ECE1: variants seen among roughly 807,000 people sequenced by gnomAD.
ECE1 encodes endothelin-converting enzyme 1.
A neutral mutation model predicts 98.6 loss-of-function variants in ECE1; 35 were observed. That is an observed-to-expected ratio of 0.35 (90% CI 0.27 to 0.47). The LOEUF (loss-of-function observed/expected upper bound fraction) is 0.47. ECE1 is among the 20% of genes least tolerant of loss of function. The pLI is 1.00. For synonymous variants in ECE1, 394 were observed against 407.1 expected, an observed-to-expected ratio of 0.97 and a Z score of 0.39; for missense variants, 814 against 1,025.3, an observed-to-expected ratio of 0.79 and a Z score of 2.81.
intron 4 of ECE1, among the ~76,000 whole-genome samples, chr1:21,263,636 G>A (rs113003901): frequency 0.035 from 5,270 of 151,384 alleles, 287 homozygotes; most frequent in African/African-American, 0.12. Context: ...TTACAGGCGT[G>A]AGCCACCATG....
intron 2 of ECE1, among the ~76,000 whole-genome samples, chr1:21,288,866 T>C (rs891795222): frequency 6.6e-6 from 1 of 151,990 alleles, no homozygotes; most frequent in African/African-American, 2.4e-5. Context: ...TTTCCACATC[T>C]GTAAGTGGGG....
chr1:21,244,887 C>T, intron 10 of ECE1, 102 bp downstream of exon 10: 1 of 1,132,644 alleles, frequency 8.8e-7, no homozygotes, highest in Non-Finnish European at 1.3e-6. Flanking sequence ...GAAGCTTCTA[C>T]CCACCCCCAG....
rs1184817040 is a variant in ECE1, at chr1:21,290,338, C to T, written c.51+26G>A. ...AGGGGTCCCGCCCGCCTCCCGCCCC[C>T]GCCCTCCAGGCCGCGCCCGCCTCAC... On this transcript the variant is annotated intron_variant, in intron 1 of 18. Transcript: ENST00000374893. The surrounding 1 kb of genome is among the most constrained non-coding windows in gnomAD (Gnocchi z 7.3). 1.4e-5 allele frequency: 17 copies of T among 1,228,504 alleles called. No individual in the cohort carries two copies. In the East Asian group the frequency reaches 5.3e-4, roughly 39 times the overall value. 76.1% of individuals were successfully genotyped at this position (1,228,504 alleles called of 1,614,324 possible). A position where few individuals can be genotyped will look rare whatever the true frequency, so the allele number is the denominator to read the frequency against.
chr1:21,249,145 C>T (rs1343424432), intron 8 of ECE1, among the ~76,000 whole-genome samples: 1 of 152,070 alleles, frequency 6.6e-6, no homozygotes, highest in Non-Finnish European at 1.5e-5. Flanking sequence ...GAGTTCAAGA[C>T]CAGCCTGGAC....
chr1:21,244,337 A>C (rs904127537), intron 10 of ECE1, among the ~76,000 whole-genome samples: 1 of 152,172 alleles, frequency 6.6e-6, no homozygotes, highest in Non-Finnish European at 1.5e-5. Flanking sequence ...CTGTCTCAGT[A>C]TTCCCGTACT....
At chr1:21,222,174 G>A (rs1558362738) in intron 17 of ECE1, 2 of 370,656 alleles carry the variant, frequency 5.4e-6, no homozygotes, top group African/African-American at 2.1e-5. Context: ...GTGTGTGCAT[G>A]CACACACACA....
At position 21,221,812 on chromosome 1, in the gene ECE1, C is replaced by G; in HGVS notation, c.2071G>C (p.Ala691Pro). 2 of 1,614,202 alleles carry G rather than the reference C, an allele frequency of 1.2e-6. No homozygotes were observed. Among genetic ancestry groups the G allele is most frequent in the South Asian group, 2.2e-5 (2 of 91,088 alleles). ...CCCAGGGTGGGGAGCGAGTGCTCAG[C>G]CCCGTTCTTCTTCACCCAGTTCTGG... ...AYQNWVKKNG[A>P]EHSLPTLGLT... The change falls in exon 18 of 19, where the codon GCT becomes CCT. Residue 691 changes from alanine to proline, a missense_variant. Ala to Pro is a conservative substitution (Grantham distance 27). Coordinates refer to ENST00000374893, the MANE Select transcript of ECE1 (RefSeq NM_001397.3).
chr1:21,289,993 C>CGGGGGGGGGGGGGGGGG, intron 2 of ECE1, 77 bp downstream of exon 2: 33 of 897,630 alleles, frequency 3.7e-5, no homozygotes, highest in East Asian at 2.7e-4. Context: ...TAGGTAGGGG[C>CGGGGGGGGGGGGGGGGG]GGGGGGCGCG....
At chr1:21,261,623 G>A (rs2282713) in intron 4 of ECE1, among the ~76,000 whole-genome samples, 43,346 of 152,078 alleles carry the variant, frequency 0.29, 6,630 homozygotes, top group East Asian at 0.44. Context: ...GACAGAAAGC[G>A]GGTCTTATTT....
At chr1:21,242,566 C>T (rs1264059633) in intron 10 of ECE1, among the ~76,000 whole-genome samples, 9 of 152,228 alleles carry the variant, frequency 5.9e-5, no homozygotes, top group Non-Finnish European at 8.8e-5. Flanking sequence ...GTGGGGAGGG[C>T]TGGAGATTAA....
At chr1:21,284,347 C>G (rs925489454) in intron 2 of ECE1, among the ~76,000 whole-genome samples, 1 of 152,164 alleles carries the variant, frequency 6.6e-6, no homozygotes, top group Non-Finnish European at 1.5e-5. Context: ...AATGGCCATC[C>G]GCTAAGAGGC....
chr1:21,268,635 C>T (rs182095398), intron 4 of ECE1, among the ~76,000 whole-genome samples: 1 of 152,346 alleles, frequency 6.6e-6, no homozygotes, highest in Non-Finnish European at 1.5e-5. Flanking sequence ...TCCCTTCTCC[C>T]CTCTCCGCCT....
intron 1 of ECE1, among the ~76,000 whole-genome samples, chr1:21,303,814 T>C (rs1182427479): frequency 1.3e-5 from 2 of 152,018 alleles, no homozygotes; most frequent in East Asian, 3.9e-4. Flanking sequence ...CATACCTGGC[T>C]AATTTTTTGT....
In ECE1 at chr1:21,327,821, T is replaced by G. The variant is rs568590321; in HGVS notation, c.3+17555A>C. On this transcript the variant is annotated intron_variant, in intron 1 of 18. Transcript: ENST00000415912. The surrounding 1 kb of genome is among the most constrained non-coding windows in gnomAD (Gnocchi z 4.6). The stretch of plus-strand genomic sequence containing the variant: ...TGAGCTGTGGGTGGACATTACCGCC[T>G]GAGCTCTGCCTTCGGTCAGATCAGC... 6.6e-6 allele frequency among the ~76,000 whole-genome samples: 1 copy of G among 152,310 alleles called. No homozygotes were observed. The highest frequency in any genetic ancestry group is 1.5e-5 in the Non-Finnish European group (1 of 68,030).
chr1:21,337,749 T>C (rs895372435), intron 1 of ECE1, among the ~76,000 whole-genome samples: 4 of 152,080 alleles, frequency 2.6e-5, no homozygotes, highest in African/African-American at 7.2e-5. Context: ...AGGAGCTCCA[T>C]ATTAGAGACA....
chr1:21,245,891 C>T (rs1461636632), intron 9 of ECE1, among the ~76,000 whole-genome samples: 2 of 152,006 alleles, frequency 1.3e-5, no homozygotes, highest in African/African-American at 4.8e-5. Context: ...TCTCTCTTTC[C>T]CTCCTCTCTC....
intron 1 of ECE1, among the ~76,000 whole-genome samples, chr1:21,306,135 G>A (rs78090868): frequency 0.035 from 5,268 of 152,240 alleles, 299 homozygotes; most frequent in East Asian, 0.29. Context: ...TATTTATTAT[G>A]TACCTACTAT....
chr1:21,275,263 C>G (rs570424209), intron 3 of ECE1, among the ~76,000 whole-genome samples: 3 of 152,026 alleles, frequency 2.0e-5, no homozygotes, highest in Admixed American at 2.0e-4. Flanking sequence ...CACACAGGGA[C>G]TTGGGTTTAA....
chr1:21,344,572 G>GCC (rs528381259), intron 1 of ECE1, among the ~76,000 whole-genome samples: 26 of 151,148 alleles, frequency 1.7e-4, no homozygotes, highest in African/African-American at 5.3e-4. Context: ...CCTCCCAACA[G>GCC]CCCCCCCCCA....
Sources: gnomAD v4.1 joint callset for allele counts (sites outside exome capture counted in the v4.1 genomes callset) on GRCh38, gnomAD v4.1.1 for gene constraint, Gnocchi (gnomAD v3.1) non-coding constraint, MANE v1.5 for transcripts, NCBI Gene and HGNC (gene_info 2026-07-23, HGNC 2026-07-21) for gene names.